Variants in IPO7 observed in about 807,000 individuals in gnomAD.
IPO7 encodes importin 7.
IPO7 carries 13 observed loss-of-function variants against 136.4 expected under a neutral mutation model. That is an observed-to-expected ratio of 0.10 (90% CI 0.06 to 0.15). The LOEUF (loss-of-function observed/expected upper bound fraction) is 0.15, where lower values mean the gene tolerates loss of function less well. Ranked by LOEUF, IPO7 falls within the 10% of genes least tolerant of loss-of-function variation. The probability of loss-of-function intolerance (pLI) is 1.00; values close to 1 mark genes in which losing one functional copy is unlikely to be tolerated. For missense variants in IPO7, 857 were observed against 1,240.6 expected (o/e 0.69, Z 4.65); for synonymous variants, 403 against 404.4 (o/e 1.00, Z 0.04).
At chr11:9,396,985 G>A (rs183146658) in intron 1 of IPO7, among the ~76,000 whole-genome samples, 3 of 151,872 alleles carry the variant, frequency 2.0e-5, no homozygotes, top group South Asian at 2.1e-4. Flanking sequence ...GAAAGTTTCC[G>A]TGATACTCTT....
At position 9,414,619 on chromosome 11, in the gene IPO7, C is replaced by CTTTTTTTTTTTTTTTTTTTTT. The variant is rs1164303193; in HGVS notation, c.636+215_636+235dup. The CTTTTTTTTTTTTTTTTTTTTT allele has an allele frequency of 8.4e-5, 6 of 71,088 alleles. 2 individuals carry two copies. Among genetic ancestry groups the CTTTTTTTTTTTTTTTTTTTTT allele is most frequent in the Non-Finnish European group, 7.8e-5 (3 of 38,224 alleles). The allele number at this position is 71,088 out of a possible 1,614,324, so 4.4% of individuals were successfully genotyped here. A position where few individuals can be genotyped will look rare whatever the true frequency, so the allele number is the denominator to read the frequency against. On this transcript the variant is annotated intron_variant, in intron 5 of 24. Coordinates refer to ENST00000379719, the MANE Select transcript of IPO7 (RefSeq NM_006391.3). ...AAATACATAAACAACCCTAATGAAT[C>CTTTTTTTTTTTTTTTTTTTTT]TTTTTTTTTTTTTTTTTTTTTTTTT...
chr11:9,439,995 A>G (rs1855439013), intron 22 of IPO7, among the ~76,000 whole-genome samples: 1 of 152,270 alleles, frequency 6.6e-6, no homozygotes, highest in South Asian at 2.1e-4. Flanking sequence ...TACTTGCACT[A>G]TAACATTATG....
At chr11:9,413,082 G>A (rs531968540) in intron 4 of IPO7, among the ~76,000 whole-genome samples, 4 of 152,144 alleles carry the variant, frequency 2.6e-5, no homozygotes, top group African/African-American at 9.6e-5. Flanking sequence ...GTTTCACCGT[G>A]TTAGCCAGGA....
chr11:9,437,996 T>C (rs1368768632), intron 21 of IPO7, 22 bp downstream of exon 21: 1 of 1,602,600 alleles, frequency 6.2e-7, no homozygotes, highest in African/African-American at 1.3e-5. Context: ...ATTGCAATTT[T>C]ACTACATTTG....
intron 3 of IPO7, among the ~76,000 whole-genome samples, chr11:9,408,856 G>GGCGT (rs1854927617): frequency 6.6e-6 from 1 of 151,628 alleles, no homozygotes. Flanking sequence ...TGGGATTACA[G>GGCGT]GCACATGGCA....
At chr11:9,435,068 C>T in intron 19 of IPO7, 37 bp downstream of exon 19, 3 of 1,220,224 alleles carry the variant, frequency 2.5e-6, no homozygotes, top group African/African-American at 1.5e-5. Flanking sequence ...CATGAGGCTT[C>T]TGCTATAAAA....
In IPO7 at chr11:9,433,546, A is replaced by G. The variant is rs368729872; in HGVS notation, c.1882-24A>G. 3.6e-5 allele frequency: 57 copies of G among 1,578,134 alleles called. No homozygotes were observed. In the African/African-American group the frequency reaches 6.9e-4, roughly 19 times the overall value. On this transcript the variant is annotated intron_variant, in intron 16 of 24. Coordinates refer to ENST00000379719, the MANE Select transcript of IPO7 (RefSeq NM_006391.3). ...GTCATTTAGTAGGCTGTAACTGCAT[A>G]TGATTTTTTTTCTTCTCTTTTAGAT...
chr11:9,447,041 T>G lies in IPO7; in HGVS notation c.*1847T>G, dbSNP rs879094514. The G allele has an allele frequency of 6.6e-6, 1 of 152,316 alleles. No homozygotes were observed. Among genetic ancestry groups the G allele is most frequent in the East Asian group, 1.9e-4 (1 of 5,188 alleles). The allele number at this position is 152,316 out of a possible 1,614,324, so 9.4% of individuals were successfully genotyped here. A position where few individuals can be genotyped will look rare whatever the true frequency, so the allele number is the denominator to read the frequency against. ...TATAAAGTCAATAAAAATGAAGTAG[T>G]TGTATATATGCAACATTGTGTACAG... is the stretch of plus-strand genomic sequence containing the variant. On this transcript the variant is annotated 3_prime_UTR_variant, in exon 25 of 25. Transcript: ENST00000379719.
intron 6 of IPO7, among the ~76,000 whole-genome samples, chr11:9,417,447 A>C (rs146688499): frequency 0.029 from 4,422 of 152,200 alleles, 107 homozygotes; most frequent in Middle Eastern, 0.13. Flanking sequence ...TTAAGAGCTC[A>C]TAGCTGGCTC....
At position 9,446,598 on chromosome 11, in the gene IPO7, A is replaced by G. The variant is rs1410981984; in HGVS notation, c.*1404A>G. 1 of 152,222 alleles carries G rather than the reference A, an allele frequency of 6.6e-6. No homozygotes were observed. Among genetic ancestry groups the G allele is most frequent in the Non-Finnish European group, 1.5e-5 (1 of 68,038 alleles). The allele number at this position is 152,222 out of a possible 1,614,324, so 9.4% of individuals were successfully genotyped here. A position where few individuals can be genotyped will look rare whatever the true frequency, so the allele number is the denominator to read the frequency against. Reference sequence around the variant, plus strand: ...TGAGTCATACATTGGGTTATTTTTTATATACATGTATACACAAAATATTTC... The same window carrying G: ...TGAGTCATACATTGGGTTATTTTTTGTATACATGTATACACAAAATATTTC... On this transcript the variant is annotated 3_prime_UTR_variant, in exon 25 of 25. Transcript: ENST00000379719.
intron 1 of IPO7, among the ~76,000 whole-genome samples, chr11:9,389,985 C>T (rs1854605839): frequency 6.6e-6 from 1 of 151,988 alleles, no homozygotes; most frequent in Admixed American, 6.6e-5. Context: ...TTGAACTCCT[C>T]ACTGCAGGTG....
rs369818151 is a variant in IPO7, at chr11:9,419,617, A to C, written c.727-794A>C. ...TGGATGTCTTAGGTTATTAATGTAT[A>C]ATGATCCAATTCCTTCTTTCAGTGA... On this transcript the variant is annotated intron_variant, in intron 6 of 24. Transcript: ENST00000379719. Among the ~76,000 whole-genome samples the C allele has an allele frequency of 2.0e-5, 3 of 147,460 alleles. No individual in the cohort carries two copies. In the East Asian group the frequency reaches 5.8e-4, roughly 29 times the overall value.
In IPO7 at chr11:9,447,807, T is replaced by A. The variant is rs1434237143; in HGVS notation, c.*2613T>A. The A allele has an allele frequency of 3.9e-5, 6 of 152,120 alleles. No homozygotes were observed. Among genetic ancestry groups the A allele is most frequent in the African/African-American group, 1.4e-4 (6 of 41,420 alleles). 9.4% of individuals were successfully genotyped at this position (152,120 alleles called of 1,614,324 possible). On this transcript the variant is annotated 3_prime_UTR_variant, in exon 25 of 25. Transcript: ENST00000379719. ...ATCAGTATTAAATAAAGGAAGTTAA[T>A]CTGTTTCTCTGCAGGTAATAAAATA...
intron 8 of IPO7, among the ~76,000 whole-genome samples, chr11:9,422,687 C>G (rs1268868134): frequency 6.6e-6 from 1 of 152,014 alleles, no homozygotes; most frequent in Non-Finnish European, 1.5e-5. Flanking sequence ...GTGACTTACA[C>G]CTGTAATCCC....
At chr11:9,437,327 A>G (rs1028705796) in intron 20 of IPO7, among the ~76,000 whole-genome samples, 72 of 69,444 alleles carry the variant, frequency 1.0e-3, no homozygotes, top group African/African-American at 2.4e-3. Context: ...GCGCGATCTC[A>G]GCTCACTGCC....
At position 9,397,361 on chromosome 11, in the gene IPO7, T is replaced by TATATATATATATTA. The variant is rs377148636; in HGVS notation, c.85-5925_85-5924insATATATATTAATAT. Among the ~76,000 whole-genome samples, 158 of 41,838 alleles carry TATATATATATATTA rather than the reference T, an allele frequency of 3.8e-3. 4 individuals carry two copies. Among genetic ancestry groups the TATATATATATATTA allele is most frequent in the Middle Eastern group, 0.013 (1 of 76 alleles). The allele number at this position is 41,838 out of a possible 152,430, so 27.4% of individuals were successfully genotyped here. A position where few individuals can be genotyped will look rare whatever the true frequency, so the allele number is the denominator to read the frequency against. ...AAAAAAATATATATATATATATATA[T>TATATATATATATTA]ATATTAGTCGGGCACGGTGGCAGGT... On this transcript the variant is annotated intron_variant, in intron 1 of 24. Transcript: ENST00000379719.
chr11:9,423,788 A>C lies in IPO7; in HGVS notation c.1053A>C (p.Gln351His). The C allele has an allele frequency of 6.3e-7, 1 of 1,589,194 alleles. No homozygotes were observed. The highest frequency in any genetic ancestry group is 8.6e-7 in the Non-Finnish European group (1 of 1,166,218). Residue 351 changes from glutamine (Q) to histidine (H), a missense_variant, in exon 10 of 25, where the codon CAA becomes CAC. Around this residue, in one of 11 missense-constraint regions of IPO7, gnomAD observed 127 missense variants for 222.4 expected, o/e 0.57. Coordinates refer to ENST00000379719, the MANE Select transcript of IPO7 (RefSeq NM_006391.3). ...CTTTTAAATTGCAGGGCATTATCCA[A>C]GATGTTATTTTTCCATTGATGTGCT... ...NLKPHIQGII[Q>H]DVIFPLMCYT...
At chr11:9,411,152 A>C (rs745659169) in intron 4 of IPO7, among the ~76,000 whole-genome samples, 50 of 152,334 alleles carry the variant, frequency 3.3e-4, no homozygotes, top group Non-Finnish European at 6.2e-4. Flanking sequence ...AGGAGGTTCA[A>C]GGCCCTCCTG....
intron 8 of IPO7, among the ~76,000 whole-genome samples, chr11:9,421,030 C>T (rs1324285581): frequency 6.6e-6 from 1 of 152,068 alleles, no homozygotes; most frequent in Non-Finnish European, 1.5e-5. Flanking sequence ...GTAATCTCGG[C>T]TCACTGCAAC....
Sources: allele counts gnomAD v4.1 joint callset (sites outside exome capture counted in the v4.1 genomes callset), GRCh38; gene constraint gnomAD v4.1.1; regional missense constraint gnomAD v4.1.1; transcripts MANE v1.5; gene names NCBI Gene and HGNC (gene_info 2026-07-23, HGNC 2026-07-21).